The following VANGL1 variants were observed in gnomAD, a reference collection of about 807,000 sequenced individuals.
VANGL1 encodes the protein VANGL planar cell polarity protein 1, also known as vang-like protein 1.
In VANGL1, 18 loss-of-function variants were observed where a neutral mutation model predicts 48.4. That is an observed-to-expected ratio of 0.37 (90% CI 0.26 to 0.55). The LOEUF is 0.55. Among genes scored for constraint, VANGL1 ranks in the 20% least tolerant of loss-of-function variants. The pLI is 0.81. For synonymous variants in VANGL1, 257 were observed against 261.8 expected, an observed-to-expected ratio of 0.98 and a Z score of 0.18; for missense variants, 667 against 675.8, an observed-to-expected ratio of 0.99 and a Z score of 0.14.
intron 3 of VANGL1, among the ~76,000 whole-genome samples, chr1:115,660,969 C>T (rs1652524898): frequency 6.6e-6 from 1 of 152,126 alleles, no homozygotes; most frequent in African/African-American, 2.4e-5. Context: ...GGGTCAGTTT[C>T]CTCCTGGATG....
At chr1:115,688,824 C>T (rs1174150767) in intron 7 of VANGL1, among the ~76,000 whole-genome samples, 1 of 129,808 alleles carries the variant, frequency 7.7e-6, no homozygotes, top group Non-Finnish European at 1.6e-5. Flanking sequence ...GAGTCTCACT[C>T]TGTCACCCAG....
At chr1:115,658,776 C>T (rs996536227) in intron 2 of VANGL1, among the ~76,000 whole-genome samples, 1 of 152,128 alleles carries the variant, frequency 6.6e-6, no homozygotes, top group African/African-American at 2.4e-5. Context: ...GGTTATTGCC[C>T]AGGTTGTGAC....
At chr1:115,654,249 A>G (rs1490878912) in intron 2 of VANGL1, among the ~76,000 whole-genome samples, 1 of 151,984 alleles carries the variant, frequency 6.6e-6, no homozygotes, top group Non-Finnish European at 1.5e-5. Flanking sequence ...GAATAATGAA[A>G]TGCACCAAAC....
chr1:115,652,928 A>G (rs1457643381), intron 2 of VANGL1, among the ~76,000 whole-genome samples: 1 of 152,154 alleles, frequency 6.6e-6, no homozygotes. Context: ...TTACAAGTGT[A>G]TATTTTGTAA....
rs1297260839 is a variant in VANGL1, at chr1:115,674,962, A to C, written c.813-7402A>C. 5.3e-5 allele frequency among the ~76,000 whole-genome samples: 8 copies of C among 151,642 alleles called. No homozygotes were observed. The East Asian group carries it at 1.5e-3, about 29-fold the overall frequency. On this transcript the variant is annotated intron_variant, in intron 4 of 7. Coordinates refer to ENST00000355485, the MANE Select transcript of VANGL1 (RefSeq NM_138959.3). Reference sequence around the variant, plus strand: ...TGTGTACGTCTGTGTGTGTGTGTGCATGTATGCACACATTTTTTTAGGCTT... The same window carrying C: ...TGTGTACGTCTGTGTGTGTGTGTGCCTGTATGCACACATTTTTTTAGGCTT...
intron 7 of VANGL1, among the ~76,000 whole-genome samples, chr1:115,686,581 G>A (rs983316390): frequency 1.7e-4 from 26 of 152,080 alleles, no homozygotes; most frequent in African/African-American, 5.8e-4. Flanking sequence ...TCAAATCCTG[G>A]CTCCACCACT....
At chr1:115,656,154 G>A (rs1013906061) in intron 2 of VANGL1, among the ~76,000 whole-genome samples, 1 of 152,178 alleles carries the variant, frequency 6.6e-6, no homozygotes, top group South Asian at 2.1e-4. Context: ...AAGGTTCTTG[G>A]CTCGGTATCC....
At position 115,691,598 on chromosome 1, in the gene VANGL1, A is replaced by G. The variant is rs1365322256; in HGVS notation, c.*219A>G. On this transcript the variant is annotated 3_prime_UTR_variant, in exon 8 of 8. Transcript: ENST00000355485. ...GACTGATGACATCTGACTTTTGTCG[A>G]TGGGACTTCTCAAGAAGCCATTCCT... The G allele has an allele frequency of 1.9e-6, 1 of 520,178 alleles. No homozygotes were observed. 32.2% of individuals were successfully genotyped at this position (520,178 alleles called of 1,614,324 possible).
rs917614854 is a variant in VANGL1, at chr1:115,680,586, C to T, written c.813-1778C>T. Among the ~76,000 whole-genome samples the T allele has an allele frequency of 7.9e-5, 12 of 152,230 alleles. No individual in the cohort carries two copies. The East Asian group carries it at 9.7e-4, about 12-fold the overall frequency. On this transcript the variant is annotated intron_variant, in intron 4 of 7. Coordinates refer to ENST00000355485, the MANE Select transcript of VANGL1 (RefSeq NM_138959.3). ...TCACATGACTGTACATTATCTAGGA[C>T]GATATTAAGTACCAACTGAATGCGG... is the stretch of plus-strand genomic sequence containing the variant.
rs541121564 is a variant in VANGL1 at position 115,686,822 on chromosome 1, A to G, written c.1314+1295A>G. 2.6e-5 allele frequency among the ~76,000 whole-genome samples: 4 copies of G among 152,332 alleles called. No individual in the cohort carries two copies. In the South Asian group the frequency reaches 6.2e-4, roughly 24 times the overall value. On this transcript the variant is annotated intron_variant, in intron 7 of 7. Coordinates refer to ENST00000355485, the MANE Select transcript of VANGL1 (RefSeq NM_138959.3). ...TGACAGGTACTGTTTTAAGCACATCACGTGAATTAACTCTTTCAGTTCCTC... is the reference window on the plus strand; with the variant it reads ...TGACAGGTACTGTTTTAAGCACATCGCGTGAATTAACTCTTTCAGTTCCTC...
intron 2 of VANGL1, among the ~76,000 whole-genome samples, chr1:115,652,293 A>T (rs1652182438): frequency 6.6e-6 from 1 of 152,208 alleles, no homozygotes; most frequent in Non-Finnish European, 1.5e-5. Flanking sequence ...GTGCACTGGT[A>T]TTCTTAGGGC....
intron 4 of VANGL1, among the ~76,000 whole-genome samples, chr1:115,669,637 AAGATGTG>A (rs1158628562): frequency 3.0e-4 from 7 of 23,174 alleles, no homozygotes; most frequent in Non-Finnish European, 9.8e-4. Context: ...CGTTGTCTGT[AAGATGTG>A]CCATGTAAGA....
intron 4 of VANGL1, among the ~76,000 whole-genome samples, chr1:115,675,042 G>A (rs11586937): frequency 0.33 from 49,518 of 151,884 alleles, 8,514 homozygotes; most frequent in Admixed American, 0.4. Context: ...TTATGGTCAC[G>A]ATTGTTTCCT....
At chr1:115,651,256 T>C (rs1652130877) in intron 1 of VANGL1, 21 bp from the exon 2 acceptor site, 3 of 657,622 alleles carry the variant, frequency 4.6e-6, no homozygotes, top group Admixed American at 5.3e-5. Flanking sequence ...TAATGTCTTT[T>C]TTTTTCCCCC....
intron 6 of VANGL1, among the ~76,000 whole-genome samples, chr1:115,684,857 C>A (rs986283501): frequency 6.6e-6 from 1 of 152,134 alleles, no homozygotes; most frequent in African/African-American, 2.4e-5. Context: ...GGTGGCTGGA[C>A]CAGGGAGCAC....
chr1:115,689,762 C>G (rs1653764853), intron 7 of VANGL1, among the ~76,000 whole-genome samples: 1 of 138,288 alleles, frequency 7.2e-6, no homozygotes, highest in Non-Finnish European at 1.6e-5. Context: ...TCAAGACCAG[C>G]CTGGCCAACA....
rs1553190965 is a variant in VANGL1, at chr1:115,693,968, A to G, written c.*2589A>G. 2 of 152,228 alleles carry G rather than the reference A, an allele frequency of 1.3e-5. No homozygotes were observed. The highest frequency in any genetic ancestry group is 4.1e-4 in the South Asian group (2 of 4,828). 9.4% of individuals were successfully genotyped at this position (152,228 alleles called of 1,614,324 possible). The stretch of plus-strand genomic sequence containing the variant: ...TATAATTTTCATCCTACGTTATTAA[A>G]ATTAGAGCATTGAGTGTTAAAGAAC... On this transcript the variant is annotated 3_prime_UTR_variant, in exon 8 of 8. Coordinates refer to ENST00000355485, the MANE Select transcript of VANGL1 (RefSeq NM_138959.3).
intron 1 of VANGL1, among the ~76,000 whole-genome samples, chr1:115,647,283 G>T (rs1473894760): frequency 6.6e-6 from 1 of 152,180 alleles, no homozygotes; most frequent in Non-Finnish European, 1.5e-5. Flanking sequence ...TGCTGTGACA[G>T]CCTATCAGTG....
At chr1:115,671,836 G>A (rs1300999471) in intron 4 of VANGL1, among the ~76,000 whole-genome samples, 1 of 152,200 alleles carries the variant, frequency 6.6e-6, no homozygotes, top group Non-Finnish European at 1.5e-5. Flanking sequence ...CAGTAGGGGA[G>A]GTCTGCCAGC....
Sources: allele counts gnomAD v4.1 joint callset (sites outside exome capture counted in the v4.1 genomes callset), GRCh38; gene constraint gnomAD v4.1.1; transcripts MANE v1.5; gene names NCBI Gene and HGNC (gene_info 2026-07-23, HGNC 2026-07-21).